The following IFTAP variants were observed in gnomAD, a reference collection of about 807,000 sequenced individuals.
IFTAP encodes the protein intraflagellar transport-associated protein.
Under a neutral mutation model 19.4 loss-of-function variants are expected in IFTAP, and 19 were observed. The observed-to-expected ratio is 0.98, with a 90% CI of 0.68 to 1.44. The LOEUF is 1.44. Among genes scored for constraint, IFTAP ranks in the 40% most tolerant of loss-of-function variants. The pLI, the probability that IFTAP is intolerant of heterozygous loss-of-function variation, is 0.00. For missense variants in IFTAP, 240 were observed against 253.6 expected (o/e 0.95, Z 0.36); for synonymous variants, 85 against 83.5 (o/e 1.02, Z -0.10).
intron 4 of IFTAP, among the ~76,000 whole-genome samples, chr11:36,640,988 T>C (rs1470925305): frequency 6.6e-6 from 1 of 152,146 alleles, no homozygotes; most frequent in Non-Finnish European, 1.5e-5. Flanking sequence ...AAAATAACCT[T>C]TGAAAAACTC....
intron 1 of IFTAP, chr11:36,598,125 C>A (rs1057130622): frequency 6.6e-6 from 1 of 152,034 alleles, no homozygotes; most frequent in Non-Finnish European, 1.5e-5. Flanking sequence ...GGGCTGCTCA[C>A]GCCTCTCTGA....
intron 2 of IFTAP, among the ~76,000 whole-genome samples, chr11:36,615,859 C>T (rs1164713093): frequency 2.6e-5 from 4 of 151,762 alleles, no homozygotes; most frequent in East Asian, 1.9e-4. Flanking sequence ...ATGTCGTCTG[C>T]AAAGAGGGAC....
chr11:36,602,020 G>C (rs1356149091), intron 1 of IFTAP, among the ~76,000 whole-genome samples: 1 of 152,158 alleles, frequency 6.6e-6, no homozygotes, highest in East Asian at 1.9e-4. Context: ...ATATGTGCAT[G>C]TGTGTGTTAT....
chr11:36,609,362 G>T (rs920718686), intron 1 of IFTAP, among the ~76,000 whole-genome samples: 3 of 152,198 alleles, frequency 2.0e-5, no homozygotes, highest in Admixed American at 1.3e-4. Context: ...AACCTCAGGG[G>T]CTCAGAAACC....
At chr11:36,605,442 C>T (rs1851661190) in intron 1 of IFTAP, among the ~76,000 whole-genome samples, 1 of 152,106 alleles carries the variant, frequency 6.6e-6, no homozygotes, top group Non-Finnish European at 1.5e-5. Context: ...AAGCAGGGAC[C>T]TGAAAGTAAA....
chr11:36,631,155 C>T (rs1852710278), intron 2 of IFTAP, among the ~76,000 whole-genome samples: 1 of 151,460 alleles, frequency 6.6e-6, no homozygotes, highest in Non-Finnish European at 1.5e-5. Context: ...CCCCAGCCCT[C>T]CACCCACAGA....
At chr11:36,610,682 A>G (rs1414705077) in intron 2 of IFTAP, among the ~76,000 whole-genome samples, 2 of 152,150 alleles carry the variant, frequency 1.3e-5, no homozygotes, top group East Asian at 3.9e-4. Flanking sequence ...TTTTTGAGTA[A>G]AAGAGGAATA....
chr11:36,627,781 G>C (rs575361159), intron 2 of IFTAP, among the ~76,000 whole-genome samples: 1 of 150,900 alleles, frequency 6.6e-6, no homozygotes, highest in South Asian at 2.1e-4. Context: ...GCACCAAACT[G>C]TTTTCTACTT....
intron 1 of IFTAP, among the ~76,000 whole-genome samples, chr11:36,596,128 A>T (rs2133326730): frequency 6.6e-6 from 1 of 151,846 alleles, no homozygotes; most frequent in Admixed American, 6.6e-5. Flanking sequence ...TTGATACTAT[A>T]ATTTATCTAA....
At chr11:36,629,687 T>C (rs975385116) in intron 2 of IFTAP, among the ~76,000 whole-genome samples, 4 of 151,408 alleles carry the variant, frequency 2.6e-5, no homozygotes, top group African/African-American at 9.8e-5. Flanking sequence ...ACATCAAAAG[T>C]TTCAACCTTT....
At chr11:36,642,816 G>A (rs1330847435) in intron 4 of IFTAP, among the ~76,000 whole-genome samples, 2 of 152,142 alleles carry the variant, frequency 1.3e-5, no homozygotes, top group South Asian at 2.1e-4. Flanking sequence ...AGCCCTTCAT[G>A]CTAAAAACTC....
intron 2 of IFTAP, among the ~76,000 whole-genome samples, chr11:36,621,165 G>A (rs555177489): frequency 3.3e-5 from 5 of 152,082 alleles, no homozygotes; most frequent in African/African-American, 9.6e-5. Context: ...AAGGGAAAGG[G>A]TAAATTGTTC....
intron 4 of IFTAP, among the ~76,000 whole-genome samples, chr11:36,640,361 A>C (rs1853149510): frequency 6.6e-6 from 1 of 152,234 alleles, no homozygotes; most frequent in Non-Finnish European, 1.5e-5. Context: ...TTGAAGTAGT[A>C]AAAATTATTA....
intron 4 of IFTAP, among the ~76,000 whole-genome samples, chr11:36,640,710 C>G (rs1181074136): frequency 6.6e-6 from 1 of 152,180 alleles, no homozygotes; most frequent in East Asian, 1.9e-4. Context: ...GTATCTAGTA[C>G]TGTGAGCTTG....
chr11:36,614,314 A>G (rs956829283), intron 2 of IFTAP, among the ~76,000 whole-genome samples: 2 of 147,170 alleles, frequency 1.4e-5, no homozygotes, highest in African/African-American at 5.2e-5. Flanking sequence ...AATCCAGTCT[A>G]TCATTGTTGG....
At chr11:36,647,144 T>C (rs759699212) in intron 4 of IFTAP, among the ~76,000 whole-genome samples, 1 of 152,112 alleles carries the variant, frequency 6.6e-6, no homozygotes, top group Non-Finnish European at 1.5e-5. Context: ...TCACTTCCAC[T>C]GAGAAGTTAA....
At chr11:36,599,935 C>CA (rs1285432191) in intron 1 of IFTAP, among the ~76,000 whole-genome samples, 12 of 152,054 alleles carry the variant, frequency 7.9e-5, no homozygotes, top group African/African-American at 2.7e-4. Context: ...AAATAGAAAC[C>CA]ATGGATAGAT....
intron 5 of IFTAP, among the ~76,000 whole-genome samples, chr11:36,656,158 T>C (rs924223210): frequency 1.2e-4 from 18 of 152,176 alleles, no homozygotes; most frequent in Non-Finnish European, 2.1e-4. Flanking sequence ...GATCAGAGTT[T>C]AGAAGTAAGT....
intron 4 of IFTAP, among the ~76,000 whole-genome samples, chr11:36,644,236 G>C (rs199969125): frequency 1.3e-5 from 2 of 151,324 alleles, no homozygotes; most frequent in African/African-American, 2.4e-5. Context: ...CAGCCAACGG[G>C]CACATGAAAA....
Sources: allele counts gnomAD v4.1 joint callset (sites outside exome capture counted in the v4.1 genomes callset), GRCh38; gene constraint gnomAD v4.1.1; transcripts MANE v1.5; gene names NCBI Gene and HGNC (gene_info 2026-07-23, HGNC 2026-07-21).